Variants in SLC1A1 observed in about 807,000 individuals in gnomAD.
SLC1A1 encodes the protein solute carrier family 1 member 1, also known as excitatory amino acid transporter 3.
SLC1A1 carries 43 observed loss-of-function variants against 53.3 expected under a neutral mutation model. That is an observed-to-expected ratio of 0.81 (90% confidence interval 0.63 to 1.04). The LOEUF (loss-of-function observed/expected upper bound fraction) is 1.04, where lower values mean the gene tolerates loss of function less well. SLC1A1 is among the 50% of genes least tolerant of loss of function. SLC1A1 has a pLI of 0.00. For missense variants in SLC1A1, 748 were observed against 664.9 expected (o/e 1.12, Z -1.37); for synonymous variants, 307 against 243.2 (o/e 1.26, Z -2.44).
intron 1 of SLC1A1, among the ~76,000 whole-genome samples, chr9:4,497,079 T>G (rs1350059334): frequency 6.6e-6 from 1 of 152,108 alleles, no homozygotes; most frequent in Non-Finnish European, 1.5e-5. Context: ...ATTGTATTCC[T>G]TTCCTGTGGC....
At chr9:4,518,075 T>C (rs1459284790) in intron 1 of SLC1A1, among the ~76,000 whole-genome samples, 3 of 150,806 alleles carry the variant, frequency 2.0e-5, no homozygotes, top group Admixed American at 6.6e-5. Flanking sequence ...TAAAAATAAA[T>C]AATAAAAAAA....
chr9:4,539,862 A>C (rs1344925276), intron 1 of SLC1A1, among the ~76,000 whole-genome samples: 2 of 152,050 alleles, frequency 1.3e-5, no homozygotes, highest in African/African-American at 2.4e-5. Flanking sequence ...GAGCCACTGT[A>C]CCCGACCTTA....
In SLC1A1 at chr9:4,582,838, C is replaced by T. The variant is rs1320531357; in HGVS notation, c.1194-200C>T. 5.9e-5 allele frequency among the ~76,000 whole-genome samples: 9 copies of T among 152,160 alleles called. No individual in the cohort carries two copies. The East Asian group carries it at 1.5e-3, about 26-fold the overall frequency. ...GTCTGCAAGGAGATGGCATCATACC[C>T]CTCATAGTCCCCCTCCCCCCACAGC... On this transcript the variant is annotated intron_variant, in intron 10 of 11. Transcript: ENST00000262352.
intron 1 of SLC1A1, among the ~76,000 whole-genome samples, chr9:4,534,216 GA>G (rs1380484312): frequency 6.6e-6 from 1 of 152,084 alleles, no homozygotes; most frequent in African/African-American, 2.4e-5. Context: ...GATCAGAGCA[GA>G]ACTGAAGGAA....
At chr9:4,522,786 T>A (rs1410000839) in intron 1 of SLC1A1, among the ~76,000 whole-genome samples, 1 of 152,118 alleles carries the variant, frequency 6.6e-6, no homozygotes, top group Non-Finnish European at 1.5e-5. Context: ...TCATTCACTA[T>A]CATGAGAACA....
intron 6 of SLC1A1, among the ~76,000 whole-genome samples, chr9:4,569,973 C>T (rs984581525): frequency 1.3e-5 from 2 of 152,260 alleles, no homozygotes; most frequent in South Asian, 4.2e-4. Context: ...AGGCATTCAG[C>T]AAGGGATGTT....
intron 1 of SLC1A1, among the ~76,000 whole-genome samples, chr9:4,535,238 G>C (rs149655734): frequency 0.022 from 3,377 of 152,090 alleles, 127 homozygotes; most frequent in African/African-American, 0.077. Context: ...AAATAAAGGG[G>C]ATTCAATTAG....
chr9:4,536,937 G>A (rs566133216), intron 1 of SLC1A1, among the ~76,000 whole-genome samples: 3,008 of 150,856 alleles, frequency 0.02, 111 homozygotes, highest in African/African-American at 0.072. Context: ...GCAAACTATT[G>A]CAAGGACAAA....
intron 1 of SLC1A1, among the ~76,000 whole-genome samples, chr9:4,492,732 G>T (rs1291585606): frequency 2.0e-5 from 3 of 151,858 alleles, no homozygotes; most frequent in Non-Finnish European, 4.4e-5. Context: ...GGAGGTCGAG[G>T]CTGCAGTGAG....
Position 4,522,042 on chromosome 9 carries a change from C to T in SLC1A1, c.92-22525C>T, listed in dbSNP as rs866923363. The stretch of plus-strand genomic sequence containing the variant: ...ACTTCTAATGAATCAGAACCTGCCT[C>T]TTTTTTTTTTTCTTTTTTTTTTTTT... On this transcript the variant is annotated intron_variant, in intron 1 of 11. Coordinates refer to ENST00000262352, the MANE Select transcript of SLC1A1 (RefSeq NM_004170.6). Among the ~76,000 whole-genome samples the T allele has an allele frequency of 4.7e-4, 42 of 88,448 alleles. No homozygotes were observed. The South Asian group carries it at 5.3e-3, about 11-fold the overall frequency. 58.0% of individuals were successfully genotyped at this position (88,448 alleles called of 152,430 possible).
intron 6 of SLC1A1, among the ~76,000 whole-genome samples, chr9:4,571,743 T>G (rs1425408881): frequency 2.0e-5 from 3 of 151,868 alleles, no homozygotes; most frequent in Non-Finnish European, 4.4e-5. Flanking sequence ...GCATAAAGAG[T>G]GTTACTGTGC....
Position 4,583,132 on chromosome 9 carries a change from G to T in SLC1A1, c.1288G>T (p.Ala430Ser). ...TGTGCTGAGTGCCGTGGGCCTGCCC[G>T]CCGAGGATGTCACCCTGATCATTGC... is the stretch of plus-strand genomic sequence containing the variant. ...VIVLSAVGLP[A>S]EDVTLIIAVD... Residue 430 changes from alanine to serine, a missense_variant, in exon 11 of 12, where the codon GCC (alanine) becomes TCC (serine). Ala to Ser is a moderately conservative substitution (Grantham distance 99, BLOSUM62 1). Transcript: ENST00000262352. This position sits in a 1 kb window ranked among gnomAD's most constrained non-coding sequence, Gnocchi z 4.6. 6.2e-7 allele frequency: 1 copy of T among 1,614,210 alleles called. No homozygotes were observed. The highest frequency in any genetic ancestry group is 1.3e-5 in the African/African-American group (1 of 75,040).
chr9:4,498,388 A>T (rs1820514570), intron 1 of SLC1A1, among the ~76,000 whole-genome samples: 1 of 152,196 alleles, frequency 6.6e-6, no homozygotes, highest in African/African-American at 2.4e-5. Flanking sequence ...TTTGGACTTT[A>T]TATGTCTCTA....
At chr9:4,542,635 G>A (rs1056140484) in intron 1 of SLC1A1, among the ~76,000 whole-genome samples, 3 of 152,186 alleles carry the variant, frequency 2.0e-5, no homozygotes, top group African/African-American at 7.2e-5. Flanking sequence ...TAGTATGAGA[G>A]AGAATATTTG....
chr9:4,510,102 G>C (rs975321003), intron 1 of SLC1A1, among the ~76,000 whole-genome samples: 4 of 152,190 alleles, frequency 2.6e-5, no homozygotes, highest in African/African-American at 9.7e-5. Flanking sequence ...CCAAAGTGCT[G>C]GGATTACAGG....
intron 1 of SLC1A1, among the ~76,000 whole-genome samples, chr9:4,509,334 G>GA (rs1820914575): frequency 6.6e-6 from 1 of 152,120 alleles, no homozygotes; most frequent in Admixed American, 6.6e-5. Flanking sequence ...GAGCAGAATT[G>GA]AATCAAGGGA....
chr9:4,532,743 C>T (rs1488431313), intron 1 of SLC1A1, among the ~76,000 whole-genome samples: 3 of 152,122 alleles, frequency 2.0e-5, no homozygotes, highest in African/African-American at 7.2e-5. Context: ...AGAAGAGCAA[C>T]TCCAACACAC....
intron 1 of SLC1A1, among the ~76,000 whole-genome samples, chr9:4,501,204 G>A (rs1217623219): frequency 1.3e-5 from 2 of 151,690 alleles, no homozygotes; most frequent in Non-Finnish European, 2.9e-5. Context: ...TTTGTTTTGA[G>A]ACAGAGTCTC....
intron 1 of SLC1A1, among the ~76,000 whole-genome samples, chr9:4,523,187 T>C (rs926345707): frequency 8.5e-5 from 13 of 152,204 alleles, no homozygotes; most frequent in Admixed American, 8.5e-4. Flanking sequence ...TGACTCTCAT[T>C]AGATGTGAGC....
Sources: allele counts gnomAD v4.1 joint callset (sites outside exome capture counted in the v4.1 genomes callset), GRCh38; gene constraint gnomAD v4.1.1; non-coding constraint Gnocchi (gnomAD v3.1); transcripts MANE v1.5; gene names NCBI Gene and HGNC (gene_info 2026-07-23, HGNC 2026-07-21).